The following RBFOX1 variants were observed in gnomAD, a reference collection of about 807,000 sequenced individuals.
RBFOX1 encodes the protein RNA binding protein fox-1 homolog 1.
Under a neutral mutation model 57.7 loss-of-function variants are expected in RBFOX1, and 8 were observed. The observed-to-expected ratio is 0.14, with a 90% CI of 0.08 to 0.25. The LOEUF (loss-of-function observed/expected upper bound fraction) is 0.25. RBFOX1 is among the 10% of genes least tolerant of loss of function. The probability of loss-of-function intolerance (pLI) is 1.00; values close to 1 mark genes in which losing one functional copy is unlikely to be tolerated. For missense variants in RBFOX1, 611 were observed against 548.5 expected, an observed-to-expected ratio of 1.11 and a Z score of -1.14; for synonymous variants, 326 against 222.4, an observed-to-expected ratio of 1.47 and a Z score of -4.15.
intron 4 of RBFOX1, among the ~76,000 whole-genome samples, chr16:5,967,293 C>G (rs1020208458): frequency 1.3e-5 from 2 of 152,184 alleles, no homozygotes; most frequent in African/African-American, 2.4e-5. Flanking sequence ...AATTTTTATA[C>G]TATGTATACA....
chr16:6,255,590 G>A (rs17139703), intron 1 of RBFOX1, among the ~76,000 whole-genome samples: 1,678 of 152,176 alleles, frequency 0.011, 39 homozygotes, highest in African/African-American at 0.038. Context: ...TGTCCTATAA[G>A]GTTAGCAATC....
chr16:7,269,008 G>C lies in RBFOX1; in HGVS notation c.27+216910G>C, dbSNP rs373949785. ...GCCGAGATCACGCCAGTGCACTCCA[G>C]CTTGGGCGACAGAGTGAGACTCCAT... On this transcript the variant is annotated intron_variant, in intron 4 of 15. Transcript: ENST00000550418. Among the ~76,000 whole-genome samples the C allele has an allele frequency of 1.6e-4, 20 of 125,630 alleles. 2 individuals carry two copies. Among genetic ancestry groups the C allele is most frequent in the Admixed American group, 1.4e-3 (14 of 9,952 alleles). The allele number at this position is 125,630 out of a possible 152,430, so 82.4% of individuals were successfully genotyped here.
At chr16:5,933,979 T>C (rs1236182514) in intron 4 of RBFOX1, among the ~76,000 whole-genome samples, 1 of 152,156 alleles carries the variant, frequency 6.6e-6, no homozygotes, top group Non-Finnish European at 1.5e-5. Context: ...CCTGTGTCTG[T>C]TGTTCCCTTC....
chr16:6,639,005 C>G (rs1475705610), intron 2 of RBFOX1, among the ~76,000 whole-genome samples: 1 of 152,176 alleles, frequency 6.6e-6, no homozygotes, highest in Admixed American at 6.5e-5. Flanking sequence ...TCAAGTGAAT[C>G]CTGAAAGTAT....
intron 3 of RBFOX1, among the ~76,000 whole-genome samples, chr16:5,678,539 C>G (rs886852215): frequency 6.6e-6 from 1 of 152,154 alleles, no homozygotes; most frequent in Non-Finnish European, 1.5e-5. Context: ...AACCCGGTTC[C>G]TAAGCTCAGT....
chr16:7,474,192 C>T (rs1423940346), intron 4 of RBFOX1, among the ~76,000 whole-genome samples: 1 of 152,178 alleles, frequency 6.6e-6, no homozygotes, highest in Non-Finnish European at 1.5e-5. Flanking sequence ...GGGGCTGAGG[C>T]AGCAGAGTCG....
intron 4 of RBFOX1, among the ~76,000 whole-genome samples, chr16:7,057,097 A>G (rs2052564976): frequency 6.6e-6 from 1 of 152,108 alleles, no homozygotes; most frequent in South Asian, 2.1e-4. Flanking sequence ...GTTATTCCCA[A>G]TAATTATTTC....
At position 7,086,616 on chromosome 16, in the gene RBFOX1, A is replaced by G. The variant is rs893524860; in HGVS notation, c.27+34518A>G. On this transcript the variant is annotated intron_variant, in intron 4 of 15. Transcript: ENST00000550418. Reference sequence around the variant, plus strand: ...TTCAGGAAATCTTAGCTGTGCTTCCAAGCCGATGGATTTTGTAAGGAGAGC... The same window carrying G: ...TTCAGGAAATCTTAGCTGTGCTTCCGAGCCGATGGATTTTGTAAGGAGAGC... Among the ~76,000 whole-genome samples the G allele has an allele frequency of 1.3e-5, 2 of 152,138 alleles. 1 individual carries two copies. The highest frequency in any genetic ancestry group is 2.9e-5 in the Non-Finnish European group (2 of 68,026).
chr16:5,815,084 A>C (rs115318946), intron 3 of RBFOX1, among the ~76,000 whole-genome samples: 2 of 151,668 alleles, frequency 1.3e-5, no homozygotes, highest in South Asian at 4.2e-4. Flanking sequence ...CCTGGGTTCA[A>C]CAATCCTACC....
rs2083947077 is a variant in RBFOX1, at chr16:6,965,536, C to T, written c.-15-86521C>T. 1.3e-5 allele frequency among the ~76,000 whole-genome samples: 2 copies of T among 152,116 alleles called. 1 individual carries two copies. Among genetic ancestry groups the T allele is most frequent in the Admixed American group, 1.3e-4 (2 of 15,264 alleles). On this transcript the variant is annotated intron_variant, in intron 3 of 15. Coordinates refer to ENST00000550418, the MANE Select transcript of RBFOX1 (RefSeq NM_018723.4). ...ATTTTTAGTAGAGGCAGGGTTTCAC[C>T]ATGTTGGCCAGGCTGGTGTCAAACT...
At chr16:6,998,253 C>G (rs1333217504) in intron 3 of RBFOX1, among the ~76,000 whole-genome samples, 2 of 151,936 alleles carry the variant, frequency 1.3e-5, no homozygotes, top group Non-Finnish European at 2.9e-5. Context: ...CTAAATATTC[C>G]TAAAGCCTAT....
At position 5,364,905 on chromosome 16, in the gene RBFOX1, A is replaced by G. The variant is rs189824968; in HGVS notation, c.220-102311A>G. On this transcript the variant is annotated intron_variant, in intron 1 of 2. Transcript: ENST00000585867. ...CGCACCTGCTTGGGCTCCCTCCATG[A>G]TGTCACGCTGGACAGTAGGGTCGCC... is the stretch of plus-strand genomic sequence containing the variant. Among the ~76,000 whole-genome samples the G allele has an allele frequency of 1.5e-4, 23 of 152,186 alleles. No homozygotes were observed. The East Asian group carries it at 3.1e-3, about 21-fold the overall frequency.
At chr16:7,057,827 G>A (rs756084393) in intron 4 of RBFOX1, among the ~76,000 whole-genome samples, 1 of 152,032 alleles carries the variant, frequency 6.6e-6, no homozygotes, top group East Asian at 1.9e-4. Flanking sequence ...AGCCAACATG[G>A]TGAAACCCCG....
At chr16:6,227,903 G>C (rs911383400) in intron 1 of RBFOX1, among the ~76,000 whole-genome samples, 8 of 152,140 alleles carry the variant, frequency 5.3e-5, no homozygotes, top group African/African-American at 1.9e-4. Flanking sequence ...ATTAAAAATA[G>C]AACTACCATA....
chr16:7,308,688 C>G (rs1007853500), intron 4 of RBFOX1, among the ~76,000 whole-genome samples: 8 of 152,186 alleles, frequency 5.3e-5, no homozygotes, highest in African/African-American at 1.7e-4. Context: ...GAACTGAAAC[C>G]TGCATATCAA....
intron 1 of RBFOX1, among the ~76,000 whole-genome samples, chr16:5,458,935 C>T (rs1418744964): frequency 6.6e-6 from 1 of 152,170 alleles, no homozygotes; most frequent in African/African-American, 2.4e-5. Context: ...CCAAGAGCAC[C>T]TGGCTTCAAC....
chr16:5,624,805 A>C (rs1043295562), intron 3 of RBFOX1, among the ~76,000 whole-genome samples: 2 of 152,246 alleles, frequency 1.3e-5, no homozygotes, highest in African/African-American at 4.8e-5. Context: ...GCCAGGTGGC[A>C]TCACAGAGCT....
intron 1 of RBFOX1, among the ~76,000 whole-genome samples, chr16:6,308,352 G>T (rs2079792598): frequency 6.6e-6 from 1 of 152,214 alleles, no homozygotes; most frequent in Non-Finnish European, 1.5e-5. Flanking sequence ...TCTTGAGCTT[G>T]CAAGCCATGT....
chr16:5,775,824 A>G (rs546783072), intron 3 of RBFOX1, among the ~76,000 whole-genome samples: 2 of 152,248 alleles, frequency 1.3e-5, no homozygotes, highest in Non-Finnish European at 2.9e-5. Context: ...AATTTCTGAC[A>G]GTGGAAATGA....
Sources: allele counts gnomAD v4.1 joint callset (sites outside exome capture counted in the v4.1 genomes callset), GRCh38; gene constraint gnomAD v4.1.1; transcripts MANE v1.5; gene names NCBI Gene and HGNC (gene_info 2026-07-23, HGNC 2026-07-21).